Variants in ACTR3B observed in about 807,000 individuals in gnomAD.
ACTR3B encodes the protein actin related protein 3B, also known as actin-related protein 3B.
A neutral mutation model predicts 59.0 loss-of-function variants in ACTR3B; 8 were observed. That is an observed-to-expected ratio of 0.14 (90% CI 0.08 to 0.24). The LOEUF is 0.24. Ranked by LOEUF, ACTR3B falls within the 10% of genes least tolerant of loss-of-function variation. The pLI is 1.00. For missense variants in ACTR3B, 245 were observed against 552.3 expected (o/e 0.44, Z 5.58); for synonymous variants, 148 against 197.9 (o/e 0.75, Z 2.12).
chr7:152,775,190 CAAAAAAA>C (rs67260503), intron 1 of ACTR3B, among the ~76,000 whole-genome samples: 75 of 42,624 alleles, frequency 1.8e-3, no homozygotes, highest in African/African-American at 6.3e-3. Context: ...AACCCTGTCT[CAAAAAAA>C]AAAAAAAAAA....
chr7:152,768,048 C>T (rs2098115183), intron 1 of ACTR3B, among the ~76,000 whole-genome samples: 1 of 152,158 alleles, frequency 6.6e-6, no homozygotes, highest in Non-Finnish European at 1.5e-5. Context: ...TGGCAAAACC[C>T]TGTCTCTTCT....
intron 9 of ACTR3B, among the ~76,000 whole-genome samples, chr7:152,838,731 G>A (rs1240567445): frequency 2.0e-5 from 3 of 152,264 alleles, no homozygotes; most frequent in Non-Finnish European, 4.4e-5. Flanking sequence ...TGTGTCAGAT[G>A]TAGAGGTTTT....
At chr7:152,769,442 T>C (rs2098118957) in intron 1 of ACTR3B, among the ~76,000 whole-genome samples, 1 of 151,936 alleles carries the variant, frequency 6.6e-6, no homozygotes, top group Non-Finnish European at 1.5e-5. Context: ...TTGTCTGATA[T>C]AGATATATAT....
At chr7:152,790,369 A>G (rs2098191584) in intron 2 of ACTR3B, among the ~76,000 whole-genome samples, 1 of 152,046 alleles carries the variant, frequency 6.6e-6, no homozygotes, top group Middle Eastern at 3.4e-3. Flanking sequence ...TCTTGTAGAG[A>G]TGGGGGTCTC....
intron 9 of ACTR3B, among the ~76,000 whole-genome samples, chr7:152,844,860 C>T (rs1456754061): frequency 3.5e-5 from 5 of 144,248 alleles, no homozygotes; most frequent in Non-Finnish European, 7.6e-5. Context: ...TTTGTTAAGT[C>T]CTCTTTTGTA....
chr7:152,785,389 A>C (rs1467890183), intron 2 of ACTR3B, among the ~76,000 whole-genome samples: 1 of 2,432 alleles, frequency 4.1e-4, no homozygotes, highest in Non-Finnish European at 8.4e-4. Flanking sequence ...GGGGGGGGGG[A>C]GGGGAGGGGG....
chr7:152,762,622 A>AC (rs1389533944), intron 1 of ACTR3B, among the ~76,000 whole-genome samples: 9 of 152,236 alleles, frequency 5.9e-5, no homozygotes, highest in Non-Finnish European at 1.0e-4. Context: ...AGAAAATTTA[A>AC]CATACATACA....
intron 1 of ACTR3B, among the ~76,000 whole-genome samples, chr7:152,765,959 C>A (rs1296022449): frequency 6.6e-6 from 1 of 151,710 alleles, no homozygotes; most frequent in African/African-American, 2.4e-5. Flanking sequence ...TTTTAACAAC[C>A]CACTTTCATG....
chr7:152,847,615 A>AG (rs1389832330), intron 9 of ACTR3B, among the ~76,000 whole-genome samples: 2 of 152,146 alleles, frequency 1.3e-5, no homozygotes, highest in African/African-American at 2.4e-5. Context: ...AAGTAGCTGA[A>AG]GGAATCTGGG....
intron 10 of ACTR3B, among the ~76,000 whole-genome samples, chr7:152,852,768 G>A (rs987996542): frequency 6.6e-6 from 1 of 152,142 alleles, no homozygotes; most frequent in Non-Finnish European, 1.5e-5. Context: ...CGAGTCCACT[G>A]TTGGAAGAGC....
intron 9 of ACTR3B, among the ~76,000 whole-genome samples, chr7:152,828,141 A>G (rs992489493): frequency 6.6e-6 from 1 of 152,200 alleles, no homozygotes; most frequent in African/African-American, 2.4e-5. Flanking sequence ...GCCTCGTTCT[A>G]ATACTGTCCG....
chr7:152,842,519 C>T (rs888549519), intron 9 of ACTR3B, among the ~76,000 whole-genome samples: 11 of 152,146 alleles, frequency 7.2e-5, no homozygotes, highest in African/African-American at 2.4e-4. Flanking sequence ...CACCGTGGAG[C>T]GGGAGCCGCA....
chr7:152,823,068 C>G (rs1796302814), intron 7 of ACTR3B, among the ~76,000 whole-genome samples: 1 of 152,282 alleles, frequency 6.6e-6, no homozygotes, highest in Admixed American at 6.5e-5. Flanking sequence ...GACATCATTT[C>G]AGATATGATA....
At chr7:152,837,650 C>T (rs1372329368) in intron 9 of ACTR3B, among the ~76,000 whole-genome samples, 3 of 152,238 alleles carry the variant, frequency 2.0e-5, no homozygotes, top group Non-Finnish European at 4.4e-5. Context: ...CATCAAGACT[C>T]CTGCTGAATA....
chr7:152,796,298 T>C (rs1398049466), intron 2 of ACTR3B, among the ~76,000 whole-genome samples: 1 of 152,180 alleles, frequency 6.6e-6, no homozygotes, highest in Non-Finnish European at 1.5e-5. Flanking sequence ...GATTATTTCT[T>C]TAGAATGAAA....
chr7:152,840,580 G>A (rs1258830066), intron 9 of ACTR3B, among the ~76,000 whole-genome samples: 351 of 148,180 alleles, frequency 2.4e-3, no homozygotes, highest in Non-Finnish European at 3.8e-3. Context: ...GAAGGGCTCC[G>A]AACGCCCTGT....
rs1351810215 is a variant in ACTR3B at position 152,818,882 on chromosome 7, A to T, written c.541-1417A>T. On this transcript the variant is annotated intron_variant, in intron 6 of 11. Transcript: ENST00000256001. ...TCCTAAGGTTATATTTTGCGTATTA[A>T]TTTAACCCTAGTTTTTTTCTCTTGT... 3.9e-5 allele frequency among the ~76,000 whole-genome samples: 6 copies of T among 152,230 alleles called. No homozygotes were observed. The East Asian group carries it at 9.6e-4, about 24-fold the overall frequency.
chr7:152,845,603 C>G (rs545285655), intron 9 of ACTR3B, among the ~76,000 whole-genome samples: 111 of 152,346 alleles, frequency 7.3e-4, no homozygotes, highest in African/African-American at 2.5e-3. Context: ...TGGCCTCCGC[C>G]TGTTGCTGGG....
chr7:152,773,751 G>A (rs2098129830), intron 1 of ACTR3B, among the ~76,000 whole-genome samples: 1 of 152,124 alleles, frequency 6.6e-6, no homozygotes, highest in Admixed American at 6.6e-5. Flanking sequence ...ATTGTACTCT[G>A]ACCCTGCCAG....
Sources: allele counts gnomAD v4.1 joint callset (sites outside exome capture counted in the v4.1 genomes callset), GRCh38; gene constraint gnomAD v4.1.1; transcripts MANE v1.5; gene names NCBI Gene and HGNC (gene_info 2026-07-23, HGNC 2026-07-21).